The following ECT2L variants were observed in gnomAD, a reference collection of about 807,000 sequenced individuals.
ECT2L encodes epithelial cell transforming 2 like.
Under a neutral mutation model 122.8 loss-of-function variants are expected in ECT2L, and 126 were observed. The ratio of observed to expected loss-of-function variants is 1.03; its 90% CI spans 0.89 to 1.19. The LOEUF (loss-of-function observed/expected upper bound fraction) is 1.19, where lower values mean the gene tolerates loss of function less well. Among genes scored for constraint, ECT2L ranks in the 50% most tolerant of loss-of-function variants. ECT2L has a pLI of 0.00. For missense variants in ECT2L, 1,012 were observed against 1,064.1 expected, an observed-to-expected ratio of 0.95 and a Z score of 0.68; for synonymous variants, 385 against 381.8, an observed-to-expected ratio of 1.01 and a Z score of -0.10.
At chr6:138,874,534 G>C (rs561882907) in intron 13 of ECT2L, among the ~76,000 whole-genome samples, 1 of 152,142 alleles carries the variant, frequency 6.6e-6, no homozygotes, top group Non-Finnish European at 1.5e-5. Context: ...CTGCTGAGCC[G>C]GAATGTGAAA....
intron 10 of ECT2L, among the ~76,000 whole-genome samples, chr6:138,855,593 A>G (rs1777586192): frequency 6.6e-6 from 1 of 152,246 alleles, no homozygotes; most frequent in Non-Finnish European, 1.5e-5. Flanking sequence ...TGTGTTTTAT[A>G]ATTTTTCTAC....
chr6:138,844,809 T>C (rs1365843167), intron 7 of ECT2L, among the ~76,000 whole-genome samples: 3 of 150,788 alleles, frequency 2.0e-5, no homozygotes, highest in Non-Finnish European at 4.4e-5. Flanking sequence ...TTTTTTTTTT[T>C]TTTTGATATG....
At chr6:138,852,216 T>G (rs1466364231) in intron 9 of ECT2L, among the ~76,000 whole-genome samples, 1 of 152,154 alleles carries the variant, frequency 6.6e-6, no homozygotes, top group Non-Finnish European at 1.5e-5. Flanking sequence ...AGTCAGTCAT[T>G]GAGCCACTGC....
At chr6:138,811,763 G>A (rs776010248) in intron 1 of ECT2L, among the ~76,000 whole-genome samples, 4 of 152,140 alleles carry the variant, frequency 2.6e-5, no homozygotes, top group African/African-American at 9.6e-5. Context: ...CACTACAACC[G>A]CTGCCTCCCG....
intron 13 of ECT2L, chr6:138,870,144 A>G (rs955309478): frequency 1.3e-5 from 2 of 152,622 alleles, no homozygotes; most frequent in Admixed American, 1.3e-4. Flanking sequence ...ATTTCAGAAG[A>G]ATGTTTTAAA....
intron 1 of ECT2L, among the ~76,000 whole-genome samples, chr6:138,798,074 A>G (rs1002962735): frequency 6.6e-6 from 1 of 152,226 alleles, no homozygotes; most frequent in African/African-American, 2.4e-5. Flanking sequence ...CAGATAGAAG[A>G]GAGGCCCAGA....
chr6:138,799,322 C>T (rs912892401), intron 1 of ECT2L, among the ~76,000 whole-genome samples: 17 of 149,428 alleles, frequency 1.1e-4, no homozygotes, highest in South Asian at 6.4e-4. Flanking sequence ...GGCACGATCT[C>T]GGCTCACTGC....
At chr6:138,880,020 C>G (rs893142444) in intron 14 of ECT2L, among the ~76,000 whole-genome samples, 2 of 152,112 alleles carry the variant, frequency 1.3e-5, no homozygotes, top group African/African-American at 2.4e-5. Flanking sequence ...CATAGCACAT[C>G]TGGCAACCTG....
intron 1 of ECT2L, among the ~76,000 whole-genome samples, chr6:138,808,583 A>T (rs1427040897): frequency 6.6e-6 from 1 of 152,114 alleles, no homozygotes; most frequent in Non-Finnish European, 1.5e-5. Flanking sequence ...AAAACAATTG[A>T]TTTCTGTACG....
Position 138,902,484 on chromosome 6 carries a change from T to A in ECT2L, c.2588-16T>A. On this transcript the variant is annotated splice_polypyrimidine_tract_variant and intron_variant, in intron 21 of 21. Coordinates refer to ENST00000541398, the MANE Select transcript of ECT2L (RefSeq NM_001077706.3). ...ATCTGCAAAGATTAATTAGTATACC[T>A]CAAATGCTTTTACAGATGTCAAGAA... 2 of 1,609,244 alleles carry A rather than the reference T, an allele frequency of 1.2e-6. No homozygotes were observed. The highest frequency in any genetic ancestry group is 1.7e-6 in the Non-Finnish European group (2 of 1,177,484).
In ECT2L at chr6:138,902,596, G is replaced by A. The variant is rs181439920; in HGVS notation, c.2684G>A (p.Arg895Gln). The A allele has an allele frequency of 7.9e-5, 127 of 1,613,874 alleles. 1 individual carries two copies. In the East Asian group the frequency reaches 2.5e-3, roughly 31 times the overall value. The change falls in exon 22 of 22, where the codon CGA (arginine) becomes CAA (glutamine). Residue 895 changes from arginine (R) to glutamine (Q), a missense_variant. Transcript: ENST00000541398. Reference protein sequence around the residue: ...DDKFLWLSVLRNAIKSSMEK With the variant: ...DDKFLWLSVLQNAIKSSMEK ...AAGTTCCTATGGCTGTCAGTACTTC[G>A]AAATGCAATCAAAAGCAGTATGGAG...
chr6:138,866,704 T>C (rs1262575214), intron 12 of ECT2L, among the ~76,000 whole-genome samples: 1 of 152,212 alleles, frequency 6.6e-6, no homozygotes, highest in African/African-American at 2.4e-5. Context: ...CTGCATGGTG[T>C]TAAAAATATT....
rs1017753514 is a variant in ECT2L, at chr6:138,896,370, T to C, written c.2415-4578T>C. Among the ~76,000 whole-genome samples, 5 of 152,092 alleles carry C rather than the reference T, an allele frequency of 3.3e-5. 1 individual carries two copies. Among genetic ancestry groups the C allele is most frequent in the Middle Eastern group, 3.2e-3 (1 of 316 alleles). ...CATCCACTTCCCAGGCCAATTTTCC[T>C]TGGGGAAATATCCTATTATACTGCC... On this transcript the variant is annotated intron_variant, in intron 20 of 21. Transcript: ENST00000541398.
In ECT2L at chr6:138,902,632, G is replaced by A. The variant is rs753761156; in HGVS notation, c.*5G>A. The A allele has an allele frequency of 6.1e-5, 99 of 1,613,108 alleles. 1 individual carries two copies. The East Asian group carries it at 1.7e-3, about 28-fold the overall frequency. ...AAAAGCAGTATGGAGAAGTGAGACC[G>A]AACTTGAAAACTTCAGGGGTGCCAA... On this transcript the variant is annotated 3_prime_UTR_variant, in exon 22 of 22. Transcript: ENST00000541398.
chr6:138,840,276 C>T (rs1424377767), intron 5 of ECT2L, among the ~76,000 whole-genome samples: 1 of 152,116 alleles, frequency 6.6e-6, no homozygotes, highest in African/African-American at 2.4e-5. Flanking sequence ...CATATAAATG[C>T]ACCCACGCAG....
chr6:138,876,947 C>T (rs974287747), intron 14 of ECT2L, among the ~76,000 whole-genome samples: 2 of 152,154 alleles, frequency 1.3e-5, no homozygotes, highest in Non-Finnish European at 2.9e-5. Flanking sequence ...TCTAGGGCTC[C>T]GTCTTTCTGT....
chr6:138,809,350 C>T (rs1191853566), intron 1 of ECT2L, among the ~76,000 whole-genome samples: 2 of 152,236 alleles, frequency 1.3e-5, no homozygotes, highest in East Asian at 1.9e-4. Flanking sequence ...TGCATGCCTA[C>T]GGTCCCAGCT....
rs1415433682 is a variant in ECT2L at position 138,813,326 on chromosome 6, T to C, written c.52T>C (p.Ser18Pro). The change falls in exon 3 of 22, where the codon TCA becomes CCA. Residue 18 changes from serine (S) to proline (P), a missense_variant. Ser to Pro is a moderately conservative substitution (Grantham distance 74). Transcript: ENST00000541398. ...FSAWTPFSNKSLNRQLFQERV... is the reference protein window; with the variant it reads ...FSAWTPFSNKPLNRQLFQERV... ...TGCCTGGACACCTTTTAGCAACAAG[T>C]CATTAAATAGACAGGTAAGTTACAT... 2 of 1,610,958 alleles carry C rather than the reference T, an allele frequency of 1.2e-6. No individual in the cohort carries two copies. The highest frequency in any genetic ancestry group is 1.7e-6 in the Non-Finnish European group (2 of 1,179,040).
intron 1 of ECT2L, among the ~76,000 whole-genome samples, chr6:138,800,547 T>G (rs1775507101): frequency 6.6e-6 from 1 of 151,892 alleles, no homozygotes; most frequent in Non-Finnish European, 1.5e-5. Context: ...GCTGATGTCA[T>G]GAAAGAATAA....
Sources: allele counts gnomAD v4.1 joint callset (sites outside exome capture counted in the v4.1 genomes callset), GRCh38; gene constraint gnomAD v4.1.1; transcripts MANE v1.5; gene names NCBI Gene and HGNC (gene_info 2026-07-23, HGNC 2026-07-21).